CDH12: variants seen among roughly 807,000 people sequenced by gnomAD.
The protein encoded by CDH12 is cadherin 12.
Under a neutral mutation model 74.1 loss-of-function variants are expected in CDH12, and 41 were observed. The ratio of observed to expected loss-of-function variants is 0.55; its 90% CI spans 0.43 to 0.72. The LOEUF (loss-of-function observed/expected upper bound fraction) is 0.72. CDH12 is among the 30% of genes least tolerant of loss of function. The pLI, the probability that CDH12 is intolerant of heterozygous loss-of-function variation, is 0.00. For synonymous variants in CDH12, 399 were observed against 355.0 expected (o/e 1.12, Z -1.39); for missense variants, 945 against 977.2 (o/e 0.97, Z 0.44).
rs559379762 is a variant in CDH12 at position 22,281,404 on chromosome 5, G to T, written c.-332-68761C>A. 9.2e-5 allele frequency among the ~76,000 whole-genome samples: 14 copies of T among 152,222 alleles called. No homozygotes were observed. The South Asian group carries it at 2.9e-3, about 32-fold the overall frequency. ...ATCAGGCAAGATAAATAAATAAAGG[G>T]TATTCAAATAGGAAGAGAGGAAGTC... On this transcript the variant is annotated intron_variant, in intron 3 of 14. Coordinates refer to ENST00000382254, the MANE Select transcript of CDH12 (RefSeq NM_004061.5).
intron 1 of CDH12, among the ~76,000 whole-genome samples, chr5:22,557,047 C>T (rs111475802): frequency 2.8e-4 from 43 of 152,012 alleles, no homozygotes; most frequent in African/African-American, 8.9e-4. Context: ...AAAAACTCTC[C>T]CACCTTTTGT....
intron 1 of CDH12, among the ~76,000 whole-genome samples, chr5:22,676,285 G>A (rs570795063): frequency 5.9e-5 from 9 of 152,234 alleles, no homozygotes; most frequent in Admixed American, 5.9e-4. Flanking sequence ...GTTTGCTATT[G>A]ACAGGAAATT....
chr5:22,056,277 C>T (rs1740738814), intron 5 of CDH12, among the ~76,000 whole-genome samples: 1 of 152,084 alleles, frequency 6.6e-6, no homozygotes. Flanking sequence ...TGGTTTTGAC[C>T]TGAATTCCCT....
At chr5:21,769,181 CTG>C (rs1237916172) in intron 11 of CDH12, among the ~76,000 whole-genome samples, 2 of 152,016 alleles carry the variant, frequency 1.3e-5, no homozygotes, top group Admixed American at 1.3e-4. Context: ...TATTCTAACA[CTG>C]TGCACAGAAT....
chr5:22,640,556 C>T (rs979034951), intron 1 of CDH12, among the ~76,000 whole-genome samples: 2 of 152,116 alleles, frequency 1.3e-5, no homozygotes, highest in Non-Finnish European at 2.9e-5. Flanking sequence ...TATAATTTAA[C>T]ATCTAATTTT....
In CDH12 at chr5:22,760,587, G is replaced by A. The variant is rs1746159139; in HGVS notation, c.-523+92471C>T. Among the ~76,000 whole-genome samples the A allele has an allele frequency of 2.0e-5, 3 of 146,924 alleles. No homozygotes were observed. The Admixed American group carries it at 2.1e-4, about 10-fold the overall frequency. ...CCAGCTACTTGGGAGGCTGAGGCAG[G>A]AGAATTGTTTGAACCCGGGAGGCAA... On this transcript the variant is annotated intron_variant, in intron 1 of 14. Transcript: ENST00000382254.
chr5:22,624,130 G>A (rs1738141028), intron 1 of CDH12, among the ~76,000 whole-genome samples: 1 of 152,116 alleles, frequency 6.6e-6, no homozygotes, highest in African/African-American at 2.4e-5. Context: ...AGCTGAAACT[G>A]GATCCCTTCC....
chr5:21,863,546 G>C (rs1751165291), intron 6 of CDH12, among the ~76,000 whole-genome samples: 1 of 152,112 alleles, frequency 6.6e-6, no homozygotes, highest in Admixed American at 6.6e-5. Flanking sequence ...GATTAGATAT[G>C]TATAGTACTC....
intron 1 of CDH12, chr5:22,580,900 C>G (rs1265659417): frequency 1.8e-5 from 3 of 166,858 alleles, no homozygotes; most frequent in Non-Finnish European, 3.8e-5. Flanking sequence ...GAACTTTGAA[C>G]TTGAGAGAGA....
At chr5:21,792,172 T>C (rs1746535449) in intron 10 of CDH12, among the ~76,000 whole-genome samples, 2 of 151,944 alleles carry the variant, frequency 1.3e-5, no homozygotes, top group African/African-American at 4.8e-5. Context: ...TAACAAACAC[T>C]TTACTGAGTA....
At chr5:22,076,279 C>T (rs952009375) in intron 5 of CDH12, among the ~76,000 whole-genome samples, 48 of 152,094 alleles carry the variant, frequency 3.2e-4, no homozygotes, top group African/African-American at 7.2e-4. Flanking sequence ...ACACTGTTAC[C>T]GCAATTATAA....
chr5:22,311,474 G>T (rs1738385570), intron 3 of CDH12, among the ~76,000 whole-genome samples: 1 of 152,048 alleles, frequency 6.6e-6, no homozygotes, highest in Non-Finnish European at 1.5e-5. Context: ...GGAGGCCTAG[G>T]AGGGTGGATC....
intron 1 of CDH12, among the ~76,000 whole-genome samples, chr5:22,656,262 T>A (rs1740029568): frequency 6.6e-6 from 1 of 152,208 alleles, no homozygotes; most frequent in Non-Finnish European, 1.5e-5. Flanking sequence ...CTGGATTTTA[T>A]AAGGTCTTGC....
intron 5 of CDH12, among the ~76,000 whole-genome samples, chr5:22,020,454 T>G (rs1737898697): frequency 6.6e-6 from 1 of 150,768 alleles, no homozygotes; most frequent in African/African-American, 2.4e-5. Flanking sequence ...CTCGGGGGGC[T>G]GAGGCAGGGG....
chr5:21,783,296 T>C lies in CDH12; in HGVS notation c.1393+62A>G, dbSNP rs981962673. 17 of 1,467,612 alleles carry C rather than the reference T, an allele frequency of 1.2e-5. No homozygotes were observed. In the African/African-American group the frequency reaches 2.3e-4, roughly 20 times the overall value. 90.9% of individuals were successfully genotyped at this position (1,467,612 alleles called of 1,614,324 possible). A position where few individuals can be genotyped will look rare whatever the true frequency, so the allele number is the denominator to read the frequency against. ...TGAAAAACATCTCAGCAGGGACTCA[T>C]TTAAGAGTCTTAAATCCAAAGAACT... On this transcript the variant is annotated intron_variant, in intron 11 of 14. Transcript: ENST00000382254.
At chr5:22,541,431 C>T (rs1020810695) in intron 1 of CDH12, among the ~76,000 whole-genome samples, 1 of 152,122 alleles carries the variant, frequency 6.6e-6, no homozygotes, top group Non-Finnish European at 1.5e-5. Context: ...GTGTGAGGCA[C>T]CATGTTTTAT....
intron 1 of CDH12, among the ~76,000 whole-genome samples, chr5:22,614,796 C>T (rs903230824): frequency 6.6e-6 from 1 of 152,054 alleles, no homozygotes; most frequent in African/African-American, 2.4e-5. Flanking sequence ...TAGCACTGAA[C>T]CCTATACATA....
At chr5:21,965,608 T>A (rs926627362) in intron 6 of CDH12, among the ~76,000 whole-genome samples, 13 of 151,766 alleles carry the variant, frequency 8.6e-5, no homozygotes, top group Non-Finnish European at 1.3e-4. Context: ...TTTTTTTTTT[T>A]AATTTTCAAG....
At chr5:22,251,734 A>G (rs1753140858) in intron 3 of CDH12, among the ~76,000 whole-genome samples, 2 of 152,194 alleles carry the variant, frequency 1.3e-5, no homozygotes, top group South Asian at 4.1e-4. Flanking sequence ...ACACAGAAAA[A>G]GAAAGTGTTG....
Sources: gnomAD v4.1 joint callset for allele counts (sites outside exome capture counted in the v4.1 genomes callset) on GRCh38, gnomAD v4.1.1 for gene constraint, MANE v1.5 for transcripts, NCBI Gene and HGNC (gene_info 2026-07-23, HGNC 2026-07-21) for gene names.